The following SEMA6D variants were observed in gnomAD, a reference collection of about 807,000 sequenced individuals.
SEMA6D encodes the protein semaphorin-6D.
Under a neutral mutation model 106.6 loss-of-function variants are expected in SEMA6D, and 35 were observed. The ratio of observed to expected loss-of-function variants is 0.33; its 90% CI spans 0.25 to 0.44. SEMA6D has a LOEUF of 0.44. Ranked by LOEUF, SEMA6D falls within the 20% of genes least tolerant of loss-of-function variation. The probability of loss-of-function intolerance (pLI) is 1.00; values close to 1 mark genes in which losing one functional copy is unlikely to be tolerated. For synonymous variants in SEMA6D, 499 were observed against 487.7 expected (o/e 1.02, Z -0.31); for missense variants, 1,185 against 1,345.9 (o/e 0.88, Z 1.87).
At chr15:47,321,434 TG>T (rs2143679484) in intron 1 of SEMA6D, among the ~76,000 whole-genome samples, 2 of 152,314 alleles carry the variant, frequency 1.3e-5, no homozygotes, top group South Asian at 4.1e-4. Context: ...AGTGAAAAAA[TG>T]TGGACATTAA....
intron 1 of SEMA6D, among the ~76,000 whole-genome samples, chr15:47,285,175 G>A (rs1325449889): frequency 6.6e-6 from 1 of 152,156 alleles, no homozygotes; most frequent in Non-Finnish European, 1.5e-5. Flanking sequence ...GGTTAATATT[G>A]CTGAATTATT....
intron 4 of SEMA6D, among the ~76,000 whole-genome samples, chr15:47,693,427 T>C (rs2145796114): frequency 6.6e-6 from 1 of 151,254 alleles, no homozygotes; most frequent in African/African-American, 2.5e-5. Flanking sequence ...ACTAATATAA[T>C]TGTTTATAAC....
intron 1 of SEMA6D, among the ~76,000 whole-genome samples, chr15:47,202,454 T>C (rs1894785770): frequency 6.6e-6 from 1 of 152,058 alleles, no homozygotes. Flanking sequence ...CAAGTGAGCA[T>C]GTGTACAACT....
chr15:47,483,836 A>G (rs1688877039), intron 3 of SEMA6D, among the ~76,000 whole-genome samples: 1 of 152,076 alleles, frequency 6.6e-6, no homozygotes, highest in African/African-American at 2.4e-5. Flanking sequence ...TGGCTATGCT[A>G]TCTCAGTCTC....
At position 47,524,725 on chromosome 15, in the gene SEMA6D, G is replaced by T. The variant is rs578190975; in HGVS notation, c.-87+54180G>T. On this transcript the variant is annotated intron_variant, in intron 3 of 19. Transcript: ENST00000558014. ...GCTCATGTTTAGCATTATCCTTGGG[G>T]CAAATAAGGAAATTTACCTTCCCAC... 2.0e-5 allele frequency among the ~76,000 whole-genome samples: 3 copies of T among 152,234 alleles called. No homozygotes were observed. In the East Asian group the frequency reaches 5.8e-4, roughly 29 times the overall value.
At chr15:47,696,610 C>G (rs1202421225) in intron 4 of SEMA6D, among the ~76,000 whole-genome samples, 4 of 152,144 alleles carry the variant, frequency 2.6e-5, no homozygotes, top group Non-Finnish European at 4.4e-5. Context: ...TTCTTGGCAG[C>G]CAAGTACTGT....
At chr15:47,252,634 G>T (rs1049205753) in intron 1 of SEMA6D, among the ~76,000 whole-genome samples, 7 of 152,120 alleles carry the variant, frequency 4.6e-5, no homozygotes, top group Non-Finnish European at 1.0e-4. Flanking sequence ...ATATGTATGT[G>T]AGATCATACA....
At chr15:47,743,462 A>G (rs2080938457) in intron 1 of SEMA6D, among the ~76,000 whole-genome samples, 1 of 152,068 alleles carries the variant, frequency 6.6e-6, no homozygotes, top group South Asian at 2.1e-4. Flanking sequence ...TGGACTAACC[A>G]CTTTTTTGGG....
chr15:47,690,032 G>A (rs1342832045), intron 4 of SEMA6D, among the ~76,000 whole-genome samples: 3 of 152,196 alleles, frequency 2.0e-5, no homozygotes, highest in African/African-American at 7.2e-5. Flanking sequence ...ATGGCCATCC[G>A]CCTCCCTTTC....
intron 3 of SEMA6D, among the ~76,000 whole-genome samples, chr15:47,569,240 G>A (rs1427577463): frequency 6.6e-6 from 1 of 152,010 alleles, no homozygotes; most frequent in East Asian, 1.9e-4. Flanking sequence ...AATTAAATGT[G>A]ATTCTGATTC....
At chr15:47,466,123 T>G (rs2042650767) in intron 2 of SEMA6D, among the ~76,000 whole-genome samples, 1 of 152,218 alleles carries the variant, frequency 6.6e-6, no homozygotes. Flanking sequence ...CAAATTAAGA[T>G]GTTCATCACC....
rs978010072 is a variant in SEMA6D, at chr15:47,719,600, T to C, written c.-55+1908T>C. On this transcript the variant is annotated intron_variant, in intron 1 of 18. Transcript: ENST00000536845. ...CCAAAGCTGAAGTCCCTGGGAAAGG[T>C]CTAACATTTTTCTAAACTGGTTTGA... 2.6e-5 allele frequency among the ~76,000 whole-genome samples: 4 copies of C among 152,192 alleles called. No homozygotes were observed. In the South Asian group the frequency reaches 8.3e-4, roughly 32 times the overall value.
chr15:47,727,411 C>T (rs943443370), intron 1 of SEMA6D, among the ~76,000 whole-genome samples: 1 of 152,166 alleles, frequency 6.6e-6, no homozygotes, highest in African/African-American at 2.4e-5. Context: ...AGAAATGGTG[C>T]TCTAGTGTAG....
intron 1 of SEMA6D, among the ~76,000 whole-genome samples, chr15:47,248,012 A>G (rs74013759): frequency 0.083 from 12,624 of 152,180 alleles, 952 homozygotes; most frequent in African/African-American, 0.2. Context: ...CAGAATTAAT[A>G]TGAGAAGGAA....
intron 4 of SEMA6D, among the ~76,000 whole-genome samples, chr15:47,657,612 C>A (rs2077821990): frequency 1.3e-5 from 2 of 148,364 alleles, no homozygotes; most frequent in African/African-American, 5.0e-5. Context: ...TCTCCTTTTT[C>A]TCAACATGTA....
intron 4 of SEMA6D, among the ~76,000 whole-genome samples, chr15:47,708,154 A>G (rs1352345422): frequency 6.6e-6 from 1 of 152,168 alleles, no homozygotes; most frequent in African/African-American, 2.4e-5. Context: ...CTCTCACTCA[A>G]AAGCATTACA....
At chr15:47,623,219 C>T (rs971627219) in intron 4 of SEMA6D, among the ~76,000 whole-genome samples, 5 of 152,156 alleles carry the variant, frequency 3.3e-5, no homozygotes, top group African/African-American at 1.2e-4. Context: ...TTCCAAGGCC[C>T]AACTATTGCC....
chr15:47,759,518 G>A (rs746394338), intron 1 of SEMA6D, among the ~76,000 whole-genome samples: 268 of 152,222 alleles, frequency 1.8e-3, no homozygotes, highest in Non-Finnish European at 8.5e-4. Flanking sequence ...CAAAATTCTC[G>A]TGAATTTGCT....
At chr15:47,329,879 C>T (rs1377772118) in intron 1 of SEMA6D, among the ~76,000 whole-genome samples, 1 of 152,214 alleles carries the variant, frequency 6.6e-6, no homozygotes, top group Non-Finnish European at 1.5e-5. Context: ...GTCATCATCT[C>T]CTCAACTGGC....
Sources: allele counts gnomAD v4.1 joint callset (sites outside exome capture counted in the v4.1 genomes callset), GRCh38; gene constraint gnomAD v4.1.1; transcripts MANE v1.5; gene names NCBI Gene and HGNC (gene_info 2026-07-23, HGNC 2026-07-21).